The following PCDHGA2 variants were observed in gnomAD, a reference collection of about 807,000 sequenced individuals.
PCDHGA2 encodes the protein protocadherin gamma-A2.
Under a neutral mutation model 59.2 loss-of-function variants are expected in PCDHGA2, and 40 were observed. The observed-to-expected ratio is 0.68, with a 90% CI of 0.52 to 0.88. PCDHGA2 has a LOEUF of 0.88. Ranked by LOEUF, PCDHGA2 falls within the 40% of genes least tolerant of loss-of-function variation. The pLI, the probability that PCDHGA2 is intolerant of heterozygous loss-of-function variation, is 0.00. For missense variants in PCDHGA2, 1,226 were observed against 1,204.0 expected (o/e 1.02, Z -0.27); for synonymous variants, 560 against 526.0 (o/e 1.06, Z -0.89).
chr5:141,398,183 T>C, intron 1 of PCDHGA2: 1 of 1,477,856 alleles, frequency 6.8e-7, no homozygotes, highest in South Asian at 1.4e-5. Flanking sequence ...GTGCTCTTTC[T>C]CTTCCTGCTG....
intron 1 of PCDHGA2, chr5:141,388,773 G>A (rs769358867): frequency 1.9e-6 from 3 of 1,613,808 alleles, no homozygotes; most frequent in East Asian, 2.2e-5. Flanking sequence ...CTCTAACACC[G>A]GGGAAATTAC....
intron 1 of PCDHGA2, chr5:141,419,944 C>T (rs1375807568): frequency 6.2e-7 from 1 of 1,614,066 alleles, no homozygotes; most frequent in South Asian, 1.1e-5. Flanking sequence ...TGGTGGTGGC[C>T]TTGGCCTTGA....
At chr5:141,409,576 G>C (rs1238671221) in intron 1 of PCDHGA2, 52 of 1,613,806 alleles carry the variant, frequency 3.2e-5, no homozygotes, top group Non-Finnish European at 4.2e-5. Flanking sequence ...CGTCCTACGT[G>C]GTCCACGTGG....
At position 141,512,815 on chromosome 5, in the gene PCDHGA2, A is replaced by AC. The variant is rs1215322144; in HGVS notation, c.*1647dup. ...TGTGCTGTGTCCACGCGCTAAGGCG[A>AC]CCCCCTCCCCCGTACTGACTTCTCC... is the stretch of plus-strand genomic sequence containing the variant. On this transcript the variant is annotated 3_prime_UTR_variant, in exon 4 of 4. Coordinates refer to ENST00000394576, the MANE Select transcript of PCDHGA2 (RefSeq NM_018915.4). The AC allele has an allele frequency of 6.7e-6, 1 of 149,682 alleles. No homozygotes were observed. The highest frequency in any genetic ancestry group is 1.5e-5 in the Non-Finnish European group (1 of 67,474). 9.3% of individuals were successfully genotyped at this position (149,682 alleles called of 1,614,324 possible).
chr5:141,470,459 A>T (rs59770804), intron 1 of PCDHGA2, among the ~76,000 whole-genome samples: 32,627 of 152,034 alleles, frequency 0.21, 3,610 homozygotes, highest in African/African-American at 0.27. Context: ...CTTGAATAGG[A>T]TTTTCTGATA....
Position 141,344,379 on chromosome 5 carries a change from A to C in PCDHGA2, c.2424+2984A>C. The C allele has an allele frequency of 5.0e-6, 8 of 1,613,106 alleles. No individual in the cohort carries two copies. Among genetic ancestry groups the C allele is most frequent in the Non-Finnish European group, 5.9e-6 (7 of 1,179,586 alleles). On this transcript the variant is annotated intron_variant, in intron 1 of 3. Coordinates refer to ENST00000394576, the MANE Select transcript of PCDHGA2 (RefSeq NM_018915.4). Reference sequence around the variant, plus strand: ...CATTCTGGTTGAGGATAAATTGAAAATTTTTGAAGTAGAAATAGAAATTAA... The same window carrying C: ...CATTCTGGTTGAGGATAAATTGAAACTTTTTGAAGTAGAAATAGAAATTAA...
chr5:141,483,350 G>C (rs2099580423), intron 1 of PCDHGA2, among the ~76,000 whole-genome samples: 4 of 152,172 alleles, frequency 2.6e-5, no homozygotes, highest in Admixed American at 1.3e-4. Flanking sequence ...CTTTGCAATA[G>C]TTTGAAAGCT....
Position 141,399,669 on chromosome 5 carries a change from C to T in PCDHGA2, c.2424+58274C>T, listed in dbSNP as rs2093861369. 1.9e-6 allele frequency: 3 copies of T among 1,613,524 alleles called. No individual in the cohort carries two copies. The African/African-American group carries it at 4.0e-5, about 22-fold the overall frequency. On this transcript the variant is annotated intron_variant, in intron 1 of 3. Coordinates refer to ENST00000394576, the MANE Select transcript of PCDHGA2 (RefSeq NM_018915.4). ...AAAGTGGGGTGGTGTTCGCGCAGCG[C>T]GCCTTTGACTACGAGCAGCTGCGCA...
chr5:141,400,593 T>C (rs768255831), intron 1 of PCDHGA2: 1 of 1,602,992 alleles, frequency 6.2e-7, no homozygotes, highest in Admixed American at 1.7e-5. Flanking sequence ...GAAACTATCG[T>C]ACATTTTCAA....
chr5:141,372,044 G>T (rs758767680), intron 1 of PCDHGA2: 2 of 1,613,384 alleles, frequency 1.2e-6, no homozygotes, highest in Non-Finnish European at 1.7e-6. Context: ...GCCTGCGCGT[G>T]TTGGTGGACG....
intron 1 of PCDHGA2, among the ~76,000 whole-genome samples, chr5:141,453,393 A>G (rs2098764590): frequency 6.6e-6 from 1 of 152,018 alleles, no homozygotes; most frequent in Non-Finnish European, 1.5e-5. Flanking sequence ...CTTAGCCTCC[A>G]AGTGCTGGTA....
chr5:141,414,686 C>G, intron 1 of PCDHGA2: 4 of 1,614,042 alleles, frequency 2.5e-6, no homozygotes, highest in Non-Finnish European at 3.4e-6. Flanking sequence ...CAGGGGGTAC[C>G]TCTGTCCTCA....
intron 1 of PCDHGA2, among the ~76,000 whole-genome samples, chr5:141,347,137 CTCTTTCTTTCTTTCTTTCTT>C (rs70988799): frequency 0.034 from 3,919 of 113,830 alleles, 81 homozygotes; most frequent in Middle Eastern, 0.092. Context: ...CTCTGTTTCT[CTCTTTCTTTCTTTCTTTCTT>C]TCTTTCTTTC....
Position 141,489,900 on chromosome 5 carries a change from A to T in PCDHGA2, c.2425-4907A>T. ...TTACTGCTGTGGATGGGGGGACCCC[A>T]GCCCGCTCAGGGACCACCCTTATCT... On this transcript the variant is annotated intron_variant, in intron 1 of 3. Coordinates refer to ENST00000394576, the MANE Select transcript of PCDHGA2 (RefSeq NM_018915.4). This position sits in a 1 kb window ranked among gnomAD's most constrained non-coding sequence, Gnocchi z 4.5. The T allele has an allele frequency of 6.2e-7, 1 of 1,614,254 alleles. No homozygotes were observed. The highest frequency in any genetic ancestry group is 8.5e-7 in the Non-Finnish European group (1 of 1,180,044).
chr5:141,459,486 G>A (rs764885682), intron 1 of PCDHGA2, among the ~76,000 whole-genome samples: 8 of 152,154 alleles, frequency 5.3e-5, no homozygotes, highest in Admixed American at 3.9e-4. Context: ...GTGCTATTCT[G>A]AATTAAAGTG....
At chr5:141,398,372 G>C in intron 1 of PCDHGA2, 1 of 1,437,202 alleles carries the variant, frequency 7.0e-7, no homozygotes, top group Non-Finnish European at 9.7e-7. Context: ...GCAGAGAGCG[G>C]GGAGTTGCTT....
At chr5:141,342,253 T>C (rs560315850) in intron 1 of PCDHGA2, 9 of 152,290 alleles carry the variant, frequency 5.9e-5, no homozygotes, top group African/African-American at 2.2e-4. Flanking sequence ...TCTTTATACA[T>C]CTCTCTTCTC....
At chr5:141,407,175 C>T (rs752092856) in intron 1 of PCDHGA2, among the ~76,000 whole-genome samples, 39 of 152,166 alleles carry the variant, frequency 2.6e-4, no homozygotes, top group Non-Finnish European at 5.4e-4. Flanking sequence ...TTATGACATA[C>T]AGACATTTTA....
chr5:141,436,735 T>G (rs2097843412), intron 1 of PCDHGA2, among the ~76,000 whole-genome samples: 1 of 152,220 alleles, frequency 6.6e-6, no homozygotes, highest in Non-Finnish European at 1.5e-5. Context: ...AATAATGATT[T>G]TTGTGTGCTT....
Sources: gnomAD v4.1 joint callset for allele counts (sites outside exome capture counted in the v4.1 genomes callset) on GRCh38, gnomAD v4.1.1 for gene constraint, Gnocchi (gnomAD v3.1) non-coding constraint, MANE v1.5 for transcripts, NCBI Gene and HGNC (gene_info 2026-07-23, HGNC 2026-07-21) for gene names.